The following PHF19 variants were observed in gnomAD, a reference collection of about 807,000 sequenced individuals.
The protein encoded by PHF19 is PHD finger protein 19.
Under a neutral mutation model 79.8 loss-of-function variants are expected in PHF19, and 21 were observed. The observed-to-expected ratio is 0.26, with a 90% confidence interval of 0.19 to 0.38. The LOEUF (loss-of-function observed/expected upper bound fraction) is 0.38. PHF19 is among the 10% of genes least tolerant of loss of function. PHF19 has a pLI of 1.00. For synonymous variants in PHF19, 273 were observed against 296.3 expected, an observed-to-expected ratio of 0.92 and a Z score of 0.81; for missense variants, 445 against 744.2, an observed-to-expected ratio of 0.60 and a Z score of 4.68.
chr9:120,873,868 A>C, intron 3 of PHF19, 111 bp downstream of exon 3: 1 of 681,664 alleles, frequency 1.5e-6, no homozygotes, highest in Admixed American at 2.3e-5. Flanking sequence ...TTCATGGTCA[A>C]GGGCAGATGC....
chr9:120,889,255 G>A (rs1424883838), intron 1 of PHF19, among the ~76,000 whole-genome samples: 1 of 152,010 alleles, frequency 6.6e-6, no homozygotes, highest in Non-Finnish European at 1.5e-5. Flanking sequence ...GTGAAATCTC[G>A]TCTCCATTAA....
At chr9:120,901,005 G>A in the PHF19 span, among the ~76,000 whole-genome samples, 1 of 152,248 alleles carries the variant, frequency 6.6e-6, no homozygotes, top group South Asian at 2.1e-4. Context: ...GAGCAAGCTT[G>A]TATGGCACTG....
intron 3 of PHF19, among the ~76,000 whole-genome samples, chr9:120,871,008 T>A (rs2045879136): frequency 6.6e-6 from 1 of 152,184 alleles, no homozygotes; most frequent in African/African-American, 2.4e-5. Context: ...GTTCAAGCAA[T>A]TCTCCTGCCT....
At chr9:120,863,022 A>G in intron 10 of PHF19, 2 of 419,780 alleles carry the variant, frequency 4.8e-6, no homozygotes, top group Non-Finnish European at 8.8e-6. Context: ...ACCAGCCCCA[A>G]GGCCACCTCC....
At chr9:120,886,866 G>A (rs548576182) in intron 1 of PHF19, among the ~76,000 whole-genome samples, 9 of 152,076 alleles carry the variant, frequency 5.9e-5, no homozygotes, top group Non-Finnish European at 7.4e-5. Flanking sequence ...AAATTCCCTC[G>A]AGACCAGCCT....
rs2131598677 is a variant in PHF19, at chr9:120,891,426, A to G, written c.42+3362T>C. On this transcript the variant is annotated intron_variant, in intron 1 of 14. Coordinates refer to the PHF19 transcript ENST00000616568. The surrounding 1 kb of genome is among the most constrained non-coding windows in gnomAD (Gnocchi z 4.3). ...TTGGGATCACCCCGGGAACCTTAACATGCTGATGCCTGTGTTCTTATCTTC... is the reference window on the plus strand; with the variant it reads ...TTGGGATCACCCCGGGAACCTTAACGTGCTGATGCCTGTGTTCTTATCTTC... Among the ~76,000 whole-genome samples, 1 of 152,262 alleles carries G rather than the reference A, an allele frequency of 6.6e-6. No homozygotes were observed. Among genetic ancestry groups the G allele is most frequent in the East Asian group, 1.9e-4 (1 of 5,174 alleles).
chr9:120,899,570 T>G (rs1325865888), upstream of PHF19, among the ~76,000 whole-genome samples: 1 of 152,110 alleles, frequency 6.6e-6, no homozygotes, highest in Non-Finnish European at 1.5e-5. Flanking sequence ...AGCAAGTGGC[T>G]TCTGCAATTG....
chr9:120,877,197 G>T (rs2046089844), upstream of PHF19: 2 of 982,430 alleles, frequency 2.0e-6, no homozygotes, highest in Non-Finnish European at 1.2e-6. Context: ...GTGTCCGCCC[G>T]TGGGGCCGGG....
chr9:120,857,998 T>C lies in PHF19; in HGVS notation c.1689A>G (p.Thr563=). 2 of 1,613,672 alleles carry C rather than the reference T, an allele frequency of 1.2e-6. No homozygotes were observed. Among genetic ancestry groups the C allele is most frequent in the South Asian group, 1.1e-5 (1 of 91,046 alleles). ...CCAGGTACTGAACCTTGCCCTCAGGTGTGACCCTCCGAGCCAACACCTGGT... is the reference window on the plus strand; with the variant it reads ...CCAGGTACTGAACCTTGCCCTCAGGCGTGACCCTCCGAGCCAACACCTGGT... ...EKYQVLARRV[T]PEGKVQYLVE... The change falls in exon 15 of 15, where the codon ACA becomes ACG. Residue 563 remains threonine, a synonymous_variant. Coordinates refer to ENST00000373896, the MANE Select transcript of PHF19 (RefSeq NM_015651.3).
Position 120,862,912 on chromosome 9 carries a change from G to T in PHF19, c.969-163C>A. 4 of 646,750 alleles carry T rather than the reference G, an allele frequency of 6.2e-6. No homozygotes were observed. The South Asian group carries it at 7.3e-5, about 12-fold the overall frequency. 40.1% of individuals were successfully genotyped at this position (646,750 alleles called of 1,614,324 possible). On this transcript the variant is annotated intron_variant, in intron 10 of 14. Transcript: ENST00000373896. This position sits in a 1 kb window ranked among gnomAD's most constrained non-coding sequence, Gnocchi z 4.6. ...CTTCCTCAAAGCCCATGGGATGCGG[G>T]GTTCCAGGTAGCAGCTGAGAACACG...
upstream of PHF19, chr9:120,877,443 C>T: frequency 1.3e-6 from 1 of 747,344 alleles, no homozygotes; most frequent in Non-Finnish European, 1.6e-6. Flanking sequence ...CCCCGCCCGC[C>T]CCCGCCCGCC....
upstream of PHF19, among the ~76,000 whole-genome samples, chr9:120,898,315 C>A (rs780795271): frequency 4.6e-5 from 7 of 152,206 alleles, no homozygotes; most frequent in African/African-American, 7.2e-5. Flanking sequence ...TGGGGTTTTG[C>A]CATGTTGGCC....
At position 120,862,905 on chromosome 9, in the gene PHF19, G is replaced by A. The variant is rs528841710; in HGVS notation, c.969-156C>T. 4.8e-4 allele frequency: 323 copies of A among 670,076 alleles called. 4 individuals are homozygous for A. In the South Asian group the frequency reaches 5.4e-3, roughly 11 times the overall value. 41.5% of individuals were successfully genotyped at this position (670,076 alleles called of 1,614,324 possible). A position where few individuals can be genotyped will look rare whatever the true frequency, so the allele number is the denominator to read the frequency against. On this transcript the variant is annotated intron_variant, in intron 10 of 14. Coordinates refer to ENST00000373896, the MANE Select transcript of PHF19 (RefSeq NM_015651.3). The surrounding 1 kb of genome is among the most constrained non-coding windows in gnomAD (Gnocchi z 4.6). ...ATGCTGACTTCCTCAAAGCCCATGG[G>A]ATGCGGGGTTCCAGGTAGCAGCTGA...
intron 10 of PHF19, 50 bp downstream of exon 10, chr9:120,863,999 A>C (rs758348053): frequency 2.5e-5 from 35 of 1,402,306 alleles, no homozygotes; most frequent in South Asian, 4.8e-5. Flanking sequence ...GTAGGAAGGA[A>C]TCTCACCTGT....
chr9:120,871,122 C>G (rs1163641126), intron 3 of PHF19, among the ~76,000 whole-genome samples: 2 of 152,174 alleles, frequency 1.3e-5, no homozygotes, highest in African/African-American at 2.4e-5. Context: ...AGGATGGTCT[C>G]GAACTCCTGA....
At chr9:120,872,575 A>C (rs1314786080) in intron 3 of PHF19, among the ~76,000 whole-genome samples, 1 of 152,178 alleles carries the variant, frequency 6.6e-6, no homozygotes, top group African/African-American at 2.4e-5. Context: ...AATTTCTTGG[A>C]GAAGGGGGCA....
At chr9:120,893,165 A>G (rs970945080) in intron 1 of PHF19, among the ~76,000 whole-genome samples, 2 of 152,238 alleles carry the variant, frequency 1.3e-5, no homozygotes, top group African/African-American at 4.8e-5. Context: ...AAATACCCTC[A>G]TCTATGAATG....
chr9:120,896,451 C>CT (rs71370604), upstream of PHF19, among the ~76,000 whole-genome samples: 321 of 82,756 alleles, frequency 3.9e-3, 4 homozygotes, highest in African/African-American at 7.4e-3. Flanking sequence ...TTTTTTTTTT[C>CT]TTTTTTTTTT....
chr9:120,878,690 T>G (rs2046130919), upstream of PHF19, among the ~76,000 whole-genome samples: 1 of 152,170 alleles, frequency 6.6e-6, no homozygotes, highest in Admixed American at 6.5e-5. Context: ...TGCTCTCACC[T>G]GCCTCACTGC....
Sources: gnomAD v4.1 joint callset for allele counts (sites outside exome capture counted in the v4.1 genomes callset) on GRCh38, gnomAD v4.1.1 for gene constraint, Gnocchi (gnomAD v3.1) non-coding constraint, MANE v1.5 for transcripts, NCBI Gene and HGNC (gene_info 2026-07-23, HGNC 2026-07-21) for gene names.